NTRK1: variants seen among roughly 807,000 people sequenced by gnomAD.
The protein encoded by NTRK1 is neurotrophic receptor tyrosine kinase 1, also known as high affinity nerve growth factor receptor.
A neutral mutation model predicts 86.8 loss-of-function variants in NTRK1; 62 were observed. The ratio of observed to expected loss-of-function variants is 0.71; its 90% CI spans 0.58 to 0.88. NTRK1 has a LOEUF of 0.88. Ranked by LOEUF, NTRK1 falls within the 40% of genes least tolerant of loss-of-function variation. The pLI is 0.00. For synonymous variants in NTRK1, 469 were observed against 456.6 expected (o/e 1.03, Z -0.35); for missense variants, 967 against 1,078.4 (o/e 0.90, Z 1.45).
At chr1:156,848,082 G>A (rs1655073370) in intron 2 of NTRK1, among the ~76,000 whole-genome samples, 1 of 151,934 alleles carries the variant, frequency 6.6e-6, no homozygotes, top group South Asian at 2.1e-4. Flanking sequence ...GCGAGGCCCA[G>A]GAATCTGTAT....
chr1:156,841,264 G>T, intron 1 of NTRK1: 1 of 1,030,274 alleles, frequency 9.7e-7, no homozygotes, highest in East Asian at 2.4e-5. Context: ...TTGGGATAGG[G>T]GGGTGGCGCT....
At chr1:156,816,069 G>A (rs374636761) in intron 1 of NTRK1, 3 of 1,613,924 alleles carry the variant, frequency 1.9e-6, no homozygotes, top group African/African-American at 2.7e-5. Flanking sequence ...AGGTGCTGAA[G>A]GTTGGGATGG....
chr1:156,839,312 G>A (rs1654691492), intron 1 of NTRK1, among the ~76,000 whole-genome samples: 1 of 152,262 alleles, frequency 6.6e-6, no homozygotes. Flanking sequence ...GACCCAGAGT[G>A]TGTGGCATGT....
At chr1:156,826,484 G>A (rs1032073328) in intron 1 of NTRK1, among the ~76,000 whole-genome samples, 4 of 151,812 alleles carry the variant, frequency 2.6e-5, no homozygotes, top group Non-Finnish European at 5.9e-5. Flanking sequence ...GTATTTTTTA[G>A]TAGAGACAGG....
intron 2 of NTRK1, chr1:156,844,806 C>A (rs774680633): frequency 6.2e-7 from 1 of 1,614,128 alleles, no homozygotes; most frequent in South Asian, 1.1e-5. Context: ...TGCTGGAGGC[C>A]TCCCAGGCCA....
intron 2 of NTRK1, chr1:156,846,156 G>A: frequency 6.5e-7 from 1 of 1,538,268 alleles, no homozygotes; most frequent in Non-Finnish European, 8.7e-7. Context: ...AGGGGTGTGG[G>A]TCTTCCTCCT....
intron 2 of NTRK1, chr1:156,849,237 G>A (rs1303895954): frequency 1.9e-6 from 3 of 1,613,236 alleles, no homozygotes; most frequent in Non-Finnish European, 1.7e-6. Context: ...ACTGGGGTTG[G>A]GGTCTCACAG....
At chr1:156,852,707 G>T (rs1051138138) in intron 2 of NTRK1, among the ~76,000 whole-genome samples, 1 of 152,238 alleles carries the variant, frequency 6.6e-6, no homozygotes, top group Admixed American at 6.5e-5. Context: ...TTTGGAGCTG[G>T]AGGCCCAATC....
intron 2 of NTRK1, among the ~76,000 whole-genome samples, chr1:156,847,121 T>C (rs1222118809): frequency 1.3e-5 from 2 of 152,230 alleles, no homozygotes; most frequent in Non-Finnish European, 2.9e-5. Flanking sequence ...CTAAGTCTAA[T>C]TGCCTGGAAC....
intron 1 of NTRK1, chr1:156,841,578 T>C (rs781281568): frequency 1.2e-6 from 2 of 1,612,296 alleles, no homozygotes; most frequent in Non-Finnish European, 8.5e-7. Context: ...TGCTACTCAG[T>C]GCATTCCAAG....
At chr1:156,834,313 G>A (rs985259311) in intron 1 of NTRK1, among the ~76,000 whole-genome samples, 6 of 152,168 alleles carry the variant, frequency 3.9e-5, no homozygotes, top group Non-Finnish European at 7.4e-5. Context: ...GGCAGATAGG[G>A]AAGAGTCTAG....
Position 156,868,555 on chromosome 1 carries a change from G to T in NTRK1, c.625G>T (p.Asp209Tyr), listed in dbSNP as rs1376334182. The T allele has an allele frequency of 1.9e-6, 3 of 1,557,150 alleles. No individual in the cohort carries two copies. The highest frequency in any genetic ancestry group is 1.4e-5 in the African/African-American group (1 of 73,386). The change falls in exon 6 of 17, where the codon GAC (aspartate) becomes TAC (tyrosine). Residue 209 changes from aspartate (D) to tyrosine (Y), a missense_variant. This residue lies in a region of NTRK1 where 330 missense variants were observed against 302.0 expected (regional missense o/e 1.09). Transcript: ENST00000524377. Reference sequence around the variant, plus strand: ...GCCCAATGCCTCGGTGGATGTGGGGGACGACGTGCTGCTGCGGTGCCAGGT... The same window carrying T: ...GCCCAATGCCTCGGTGGATGTGGGGTACGACGTGCTGCTGCGGTGCCAGGT... ...QVPNASVDVG[D>Y]DVLLRCQVEG...
At chr1:156,847,970 G>C (rs2102861754) in intron 2 of NTRK1, among the ~76,000 whole-genome samples, 1 of 152,296 alleles carries the variant, frequency 6.6e-6, no homozygotes, top group African/African-American at 2.4e-5. Flanking sequence ...GCTCCTTAGA[G>C]TGCAGTCCAC....
intron 1 of NTRK1, chr1:156,841,690 T>G: frequency 6.2e-7 from 1 of 1,613,898 alleles, no homozygotes; most frequent in Non-Finnish European, 8.5e-7. Context: ...GTGGTGAAGA[T>G]CCCATCTTTG....
At chr1:156,862,532 C>G (rs1655701629) in intron 1 of NTRK1, among the ~76,000 whole-genome samples, 1 of 152,148 alleles carries the variant, frequency 6.6e-6, no homozygotes, top group African/African-American at 2.4e-5. Context: ...TGGGGACTAG[C>G]AAGCATGTAG....
At chr1:156,834,142 A>G (rs1234715947) in intron 1 of NTRK1, among the ~76,000 whole-genome samples, 1 of 152,052 alleles carries the variant, frequency 6.6e-6, no homozygotes, top group Non-Finnish European at 1.5e-5. Context: ...TGTGTATGGT[A>G]GTAGGTATTA....
Position 156,876,413 on chromosome 1 carries a change from C to T in NTRK1, c.1646C>T (p.Ala549Val), listed in dbSNP as rs763247367. Reference protein sequence around the residue: ...MLVAVKALKEASESARQDFQR... With the variant: ...MLVAVKALKEVSESARQDFQR... ...GCTTCCATCCAGGCACTGAAGGAGG[C>T]GTCCGAGAGTGCTCGGCAGGACTTC... Residue 549 changes from alanine to valine, a missense_variant, in exon 14 of 17, where the codon GCG becomes GTG. By Grantham distance (64) the Ala-to-Val change is moderately conservative. Transcript: ENST00000524377. 1.6e-5 allele frequency: 26 copies of T among 1,613,672 alleles called. No individual in the cohort carries two copies. The South Asian group carries it at 2.1e-4, about 13-fold the overall frequency.
intron 12 of NTRK1, 47 bp from the exon 13 acceptor site, chr1:156,876,033 G>A: frequency 1.9e-6 from 3 of 1,613,954 alleles, no homozygotes; most frequent in Non-Finnish European, 2.5e-6. Flanking sequence ...TACAACCCCA[G>A]CCCTCCCAAG....
chr1:156,870,456 G>C (rs1647487803), intron 6 of NTRK1, among the ~76,000 whole-genome samples: 1 of 152,172 alleles, frequency 6.6e-6, no homozygotes, highest in African/African-American at 2.4e-5. Flanking sequence ...GGAGGATAAG[G>C]GGTGGCAGAC....
Sources: gnomAD v4.1 joint callset for allele counts (sites outside exome capture counted in the v4.1 genomes callset) on GRCh38, gnomAD v4.1.1 for gene constraint, gnomAD v4.1.1 regional missense constraint, MANE v1.5 for transcripts, NCBI Gene and HGNC (gene_info 2026-07-23, HGNC 2026-07-21) for gene names.